CCDC85A: variants seen among roughly 807,000 people sequenced by gnomAD.
CCDC85A encodes coiled-coil domain-containing protein 85A.
Under a neutral mutation model 50.2 loss-of-function variants are expected in CCDC85A, and 38 were observed. That is an observed-to-expected ratio of 0.76 (90% confidence interval 0.58 to 0.99). The LOEUF (loss-of-function observed/expected upper bound fraction) is 0.99. Among genes scored for constraint, CCDC85A ranks in the 50% least tolerant of loss-of-function variants. The pLI is 0.00. For synonymous variants in CCDC85A, 366 were observed against 301.4 expected, an observed-to-expected ratio of 1.21 and a Z score of -2.22; for missense variants, 820 against 742.0, an observed-to-expected ratio of 1.11 and a Z score of -1.22.
intron 2 of CCDC85A, among the ~76,000 whole-genome samples, chr2:56,214,905 A>T (rs1173589075): frequency 6.6e-6 from 1 of 151,906 alleles, no homozygotes; most frequent in Non-Finnish European, 1.5e-5. Flanking sequence ...GATATCTATA[A>T]AACAGTTTGC....
intron 2 of CCDC85A, among the ~76,000 whole-genome samples, chr2:56,275,198 G>A (rs1459119347): frequency 6.6e-6 from 1 of 152,114 alleles, no homozygotes; most frequent in Non-Finnish European, 1.5e-5. Context: ...ATTAATATAA[G>A]CCCTCAGTCT....
chr2:56,298,360 G>T (rs115302150), intron 2 of CCDC85A, among the ~76,000 whole-genome samples: 2,325 of 152,118 alleles, frequency 0.015, 70 homozygotes, highest in African/African-American at 0.053. Flanking sequence ...ATTTCATATT[G>T]GAAAGGAATT....
chr2:56,233,907 C>T (rs1668885101), intron 2 of CCDC85A, among the ~76,000 whole-genome samples: 1 of 152,082 alleles, frequency 6.6e-6, no homozygotes, highest in South Asian at 2.1e-4. Flanking sequence ...AAGATGTTCC[C>T]TAATTTCTGT....
At chr2:56,294,857 C>T (rs1177298833) in intron 2 of CCDC85A, among the ~76,000 whole-genome samples, 1 of 152,158 alleles carries the variant, frequency 6.6e-6, no homozygotes, top group Non-Finnish European at 1.5e-5. Flanking sequence ...TACATGGTAA[C>T]TACTAAGGCC....
intron 3 of CCDC85A, among the ~76,000 whole-genome samples, chr2:56,358,292 T>A (rs547580264): frequency 6.6e-6 from 1 of 152,222 alleles, no homozygotes; most frequent in Non-Finnish European, 1.5e-5. Context: ...TTAATAATGT[T>A]TTATCCAGTT....
At position 56,193,247 on chromosome 2, in the gene CCDC85A, G is replaced by C; in HGVS notation, c.1047G>C (p.Glu349Asp). 6.2e-7 allele frequency: 1 copy of C among 1,611,428 alleles called. No homozygotes were observed. ...AACACGCTCTTGGGGGGAGCCTAGA[G>C]CATCTCCCCAGAGCCAGGGGCACCA... The part of the protein sequence containing the change: ...LQKHALGGSL[E>D]HLPRARGTSP... Residue 349 changes from glutamate to aspartate, a missense_variant, in exon 2 of 6, where the codon GAG (glutamate) becomes GAC (aspartate). Physicochemically the swap from Glu to Asp is conservative, Grantham distance 45. Coordinates refer to ENST00000407595, the MANE Select transcript of CCDC85A (RefSeq NM_001080433.2).
chr2:56,347,384 A>G (rs1674680817), intron 3 of CCDC85A, among the ~76,000 whole-genome samples: 1 of 152,190 alleles, frequency 6.6e-6, no homozygotes, highest in South Asian at 2.1e-4. Context: ...AGTGTAATTA[A>G]GCTACTAAAC....
intron 2 of CCDC85A, among the ~76,000 whole-genome samples, chr2:56,234,267 T>C (rs1668904087): frequency 6.6e-6 from 1 of 152,160 alleles, no homozygotes; most frequent in African/African-American, 2.4e-5. Context: ...TCATGCCATG[T>C]ATCATGGGTG....
At chr2:56,308,252 T>C (rs138250842) in intron 2 of CCDC85A, among the ~76,000 whole-genome samples, 1,741 of 152,310 alleles carry the variant, frequency 0.011, 25 homozygotes, top group African/African-American at 0.033. Context: ...CTTTGAGCTG[T>C]CTGTCCCTCT....
intron 2 of CCDC85A, among the ~76,000 whole-genome samples, chr2:56,281,150 G>T (rs1671189778): frequency 1.3e-5 from 2 of 152,154 alleles, no homozygotes; most frequent in South Asian, 4.1e-4. Context: ...ACATACATTA[G>T]TTTTACCTGT....
At chr2:56,225,386 A>G (rs1024606695) in intron 2 of CCDC85A, among the ~76,000 whole-genome samples, 2 of 152,142 alleles carry the variant, frequency 1.3e-5, no homozygotes, top group African/African-American at 4.8e-5. Context: ...AGACTGCGCC[A>G]CTGCATTCCA....
intron 2 of CCDC85A, among the ~76,000 whole-genome samples, chr2:56,312,421 T>G (rs926080123): frequency 6.6e-6 from 1 of 152,174 alleles, no homozygotes; most frequent in Non-Finnish European, 1.5e-5. Context: ...ATGTATAATG[T>G]AATAAAGTTG....
At chr2:56,253,543 T>A (rs1057309064) in intron 2 of CCDC85A, among the ~76,000 whole-genome samples, 1 of 152,168 alleles carries the variant, frequency 6.6e-6, no homozygotes, top group African/African-American at 2.4e-5. Flanking sequence ...AGGGGAGAAT[T>A]AAATTTGAAT....
chr2:56,379,849 G>A, intron 5 of CCDC85A: 1 of 959,308 alleles, frequency 1.0e-6, no homozygotes, highest in South Asian at 4.8e-5. Flanking sequence ...AATGTGCAAT[G>A]TAAGTTTAAT....
chr2:56,192,437 G>A lies in CCDC85A; in HGVS notation c.277-40G>A. 1 of 1,567,060 alleles carries A rather than the reference G, an allele frequency of 6.4e-7. No homozygotes were observed. The highest frequency in any genetic ancestry group is 1.2e-5 in the South Asian group (1 of 82,146). ...GAAGTCTGAGCCTGCTGACACCTCAGATGTGTACTTCCCTTGAATGGTTGT... is the reference window on the plus strand; with the variant it reads ...GAAGTCTGAGCCTGCTGACACCTCAAATGTGTACTTCCCTTGAATGGTTGT... On this transcript the variant is annotated intron_variant, in intron 1 of 5. Coordinates refer to ENST00000407595, the MANE Select transcript of CCDC85A (RefSeq NM_001080433.2). The surrounding 1 kb of genome is among the most constrained non-coding windows in gnomAD (Gnocchi z 4.7).
rs780793877 is a variant in CCDC85A at position 56,193,481 on chromosome 2, C to T, written c.1240+41C>T. 15 of 1,539,490 alleles carry T rather than the reference C, an allele frequency of 9.7e-6. No homozygotes were observed. In the East Asian group the frequency reaches 3.4e-4, roughly 35 times the overall value. ...CTGGGGTGCTGCTTGGGCTGGGGAA[C>T]TCAGTAGAGAGTTACGAATGATGAT... On this transcript the variant is annotated intron_variant, in intron 2 of 5. Coordinates refer to ENST00000407595, the MANE Select transcript of CCDC85A (RefSeq NM_001080433.2).
chr2:56,207,599 C>G lies in CCDC85A; in HGVS notation c.1240+14159C>G, dbSNP rs573990137. Among the ~76,000 whole-genome samples the G allele has an allele frequency of 1.5e-3, 224 of 152,278 alleles. 1 individual carries two copies. Among genetic ancestry groups the G allele is most frequent in the Middle Eastern group, 6.8e-3 (2 of 294 alleles). ...TTATAGGTGTGTTGTGAAAAACATA[C>G]AGTCAAGTTAATTTACAGGCATAGG... On this transcript the variant is annotated intron_variant, in intron 2 of 5. Transcript: ENST00000407595.
chr2:56,189,220 T>C (rs140674558), intron 1 of CCDC85A, among the ~76,000 whole-genome samples: 11 of 151,932 alleles, frequency 7.2e-5, no homozygotes, highest in Non-Finnish European at 1.2e-4. Flanking sequence ...GAGGGTCTTA[T>C]TCATTTTCCC....
intron 2 of CCDC85A, among the ~76,000 whole-genome samples, chr2:56,196,003 C>T (rs564288033): frequency 5.9e-5 from 9 of 152,202 alleles, no homozygotes; most frequent in African/African-American, 1.4e-4. Flanking sequence ...TGACTGTTTT[C>T]GTTGACTGTG....
Sources: allele counts gnomAD v4.1 joint callset (sites outside exome capture counted in the v4.1 genomes callset), GRCh38; gene constraint gnomAD v4.1.1; non-coding constraint Gnocchi (gnomAD v3.1); transcripts MANE v1.5; gene names NCBI Gene and HGNC (gene_info 2026-07-23, HGNC 2026-07-21).